RCAN1: variants seen among roughly 807,000 people sequenced by gnomAD.
RCAN1 encodes calcipressin-1.
RCAN1 carries 11 observed loss-of-function variants against 22.9 expected under a neutral mutation model. That is an observed-to-expected ratio of 0.48 (90% CI 0.30 to 0.79). The LOEUF (loss-of-function observed/expected upper bound fraction) is 0.79, where lower values mean the gene tolerates loss of function less well. Ranked by LOEUF, RCAN1 falls within the 30% of genes least tolerant of loss-of-function variation. The pLI is 0.06. For missense variants in RCAN1, 291 were observed against 337.8 expected, an observed-to-expected ratio of 0.86 and a Z score of 1.09; for synonymous variants, 136 against 142.3, an observed-to-expected ratio of 0.96 and a Z score of 0.32.
At chr21:34,596,221 C>A (rs1296388399) in intron 1 of RCAN1, among the ~76,000 whole-genome samples, 1 of 152,186 alleles carries the variant, frequency 6.6e-6, no homozygotes, top group Non-Finnish European at 1.5e-5. Context: ...AAGTGCCCGG[C>A]CTTCTTAACC....
intron 1 of RCAN1, among the ~76,000 whole-genome samples, chr21:34,565,518 G>T (rs1986969802): frequency 6.6e-6 from 1 of 152,198 alleles, no homozygotes; most frequent in Admixed American, 6.5e-5. Flanking sequence ...AGGTGAGGGC[G>T]CTGCAGCTGA....
intron 1 of RCAN1, among the ~76,000 whole-genome samples, chr21:34,558,398 C>T (rs1986664409): frequency 6.6e-6 from 1 of 152,200 alleles, no homozygotes; most frequent in Admixed American, 6.5e-5. Flanking sequence ...CCCAACTCCA[C>T]CTCCACCGTG....
chr21:34,550,454 C>T (rs2123644158), intron 1 of RCAN1, among the ~76,000 whole-genome samples: 1 of 152,258 alleles, frequency 6.6e-6, no homozygotes, highest in East Asian at 1.9e-4. Flanking sequence ...TAAGGAGGAG[C>T]CCAATCCAAT....
intron 1 of RCAN1, among the ~76,000 whole-genome samples, chr21:34,569,610 A>G (rs1987166574): frequency 6.6e-6 from 1 of 151,818 alleles, no homozygotes; most frequent in Non-Finnish European, 1.5e-5. Flanking sequence ...ACTGTGGCAG[A>G]GCTTTCAGGA....
At chr21:34,563,754 C>CAAAAAA (rs58299654) in intron 1 of RCAN1, among the ~76,000 whole-genome samples, 6 of 44,310 alleles carry the variant, frequency 1.4e-4, no homozygotes, top group African/African-American at 5.9e-4. Context: ...CTAAAAATAC[C>CAAAAAA]AAAAAAAAAA....
chr21:34,612,605 G>C (rs529058075), intron 1 of RCAN1, among the ~76,000 whole-genome samples: 1 of 152,320 alleles, frequency 6.6e-6, no homozygotes, highest in Admixed American at 6.5e-5. Context: ...TCCACTGCAG[G>C]GGCTCCCTTG....
At position 34,517,726 on chromosome 21, in the gene RCAN1, A is replaced by G. The variant is rs1267412922; in HGVS notation, c.*358T>C. ...CCCCTGCAGGCCACTTAGAAACAGG[A>G]AGCTCTCTCCTGAGCTCACTGATCA... On this transcript the variant is annotated 3_prime_UTR_variant, in exon 4 of 4. Transcript: ENST00000313806. 1 of 198,736 alleles carries G rather than the reference A, an allele frequency of 5.0e-6. No individual in the cohort carries two copies. Among genetic ancestry groups the G allele is most frequent in the Non-Finnish European group, 1.0e-5 (1 of 98,432 alleles). The allele number at this position is 198,736 out of a possible 1,614,324, so 12.3% of individuals were successfully genotyped here. A position where few individuals can be genotyped will look rare whatever the true frequency, so the allele number is the denominator to read the frequency against.
At chr21:34,606,144 C>T (rs1244926716) in intron 1 of RCAN1, among the ~76,000 whole-genome samples, 2 of 151,982 alleles carry the variant, frequency 1.3e-5, no homozygotes, top group African/African-American at 4.8e-5. Context: ...AAGTAAACAA[C>T]AATGAGAAAG....
intron 1 of RCAN1, among the ~76,000 whole-genome samples, chr21:34,529,296 G>C (rs575812589): frequency 5.3e-4 from 80 of 152,338 alleles, no homozygotes; most frequent in South Asian, 2.9e-3. Flanking sequence ...TAAAATGTGA[G>C]AGGTATGGAG....
intron 1 of RCAN1, among the ~76,000 whole-genome samples, chr21:34,593,594 T>A (rs190159400): frequency 6.6e-6 from 1 of 152,132 alleles, no homozygotes. Context: ...GAAGGGGGCA[T>A]GGGGCAGCCT....
intron 1 of RCAN1, among the ~76,000 whole-genome samples, chr21:34,561,927 G>A (rs1010880834): frequency 6.6e-6 from 1 of 152,122 alleles, no homozygotes; most frequent in African/African-American, 2.4e-5. Flanking sequence ...TCCTTAAAAG[G>A]CTCGAGATCC....
intron 1 of RCAN1, among the ~76,000 whole-genome samples, chr21:34,527,169 A>T (rs943091308): frequency 3.3e-5 from 5 of 152,152 alleles, no homozygotes; most frequent in Non-Finnish European, 7.4e-5. Flanking sequence ...GCCGAATGGG[A>T]CGACCCTTCT....
At chr21:34,585,411 G>A (rs74623356) in intron 1 of RCAN1, among the ~76,000 whole-genome samples, 2,237 of 152,254 alleles carry the variant, frequency 0.015, 51 homozygotes, top group East Asian at 0.092. Context: ...TGTCTAACAG[G>A]CAAGTTAGTA....
intron 2 of RCAN1, chr21:34,522,835 C>T (rs2123576879): frequency 6.6e-6 from 1 of 152,338 alleles, no homozygotes; most frequent in Non-Finnish European, 1.5e-5. Context: ...CTGTCAGCCC[C>T]TAAGGACATC....
At chr21:34,597,184 A>G (rs1988189272) in intron 1 of RCAN1, among the ~76,000 whole-genome samples, 2 of 152,204 alleles carry the variant, frequency 1.3e-5, no homozygotes, top group African/African-American at 4.8e-5. Context: ...TACCAGCCAC[A>G]TGGGGCTATG....
intron 1 of RCAN1, among the ~76,000 whole-genome samples, chr21:34,593,409 A>G (rs977516701): frequency 3.3e-5 from 5 of 152,236 alleles, no homozygotes; most frequent in African/African-American, 9.6e-5. Context: ...ATCATTACCA[A>G]TTATCAAATC....
chr21:34,589,722 C>T (rs1334510341), intron 1 of RCAN1, among the ~76,000 whole-genome samples: 1 of 151,748 alleles, frequency 6.6e-6, no homozygotes. Flanking sequence ...GGGGAGTCTG[C>T]CCCCTTTTCC....
intron 1 of RCAN1, among the ~76,000 whole-genome samples, chr21:34,554,556 A>G (rs541299503): frequency 6.6e-6 from 1 of 152,328 alleles, no homozygotes; most frequent in East Asian, 1.9e-4. Context: ...CAGTGATCAC[A>G]TGCGTCTTGG....
chr21:34,546,112 C>T (rs1057414469), intron 1 of RCAN1, among the ~76,000 whole-genome samples: 3 of 152,140 alleles, frequency 2.0e-5, no homozygotes, highest in African/African-American at 7.2e-5. Context: ...TGCTGTTTGA[C>T]CATCTGAAGG....
Sources: allele counts gnomAD v4.1 joint callset (sites outside exome capture counted in the v4.1 genomes callset), GRCh38; gene constraint gnomAD v4.1.1; transcripts MANE v1.5; gene names NCBI Gene and HGNC (gene_info 2026-07-23, HGNC 2026-07-21).